Variants in SPIRE2 observed in about 807,000 individuals in gnomAD.
SPIRE2 encodes the protein protein spire homolog 2.
A neutral mutation model predicts 80.7 loss-of-function variants in SPIRE2; 76 were observed. The observed-to-expected ratio is 0.94, with a 90% CI of 0.78 to 1.14. The LOEUF is 1.14. Among genes scored for constraint, SPIRE2 ranks in the 50% most tolerant of loss-of-function variants. The pLI, the probability that SPIRE2 is intolerant of heterozygous loss-of-function variation, is 0.00. For missense variants in SPIRE2, 1,196 were observed against 1,015.3 expected, an observed-to-expected ratio of 1.18 and a Z score of -2.42; for synonymous variants, 535 against 432.6, an observed-to-expected ratio of 1.24 and a Z score of -2.94.
intron 2 of SPIRE2, among the ~76,000 whole-genome samples, chr16:89,848,995 T>C (rs2041594340): frequency 7.1e-6 from 1 of 141,664 alleles, no homozygotes; most frequent in African/African-American, 2.5e-5. Context: ...ACGAGGCAGG[T>C]TCCAGGGCCT....
rs1233205284 is a variant in SPIRE2, at chr16:89,828,565, C to T, written c.15C>T (p.Gly5=). The part of the protein sequence containing the change: MARA[G]SCGGAAAGAG... ...ACGGCCCCGCCATGGCCCGGGCGGG[C>T]AGCTGCGGCGGCGCCGCGGCGGGCG... The change falls in exon 1 of 15, where the codon GGC becomes GGT. Residue 5 remains glycine, a synonymous_variant. Coordinates refer to ENST00000378247, the MANE Select transcript of SPIRE2 (RefSeq NM_032451.2). This position sits in a 1 kb window ranked among gnomAD's most constrained non-coding sequence, Gnocchi z 5.9. 3 of 1,143,400 alleles carry T rather than the reference C, an allele frequency of 2.6e-6. No individual in the cohort carries two copies. The highest frequency in any genetic ancestry group is 3.2e-6 in the Non-Finnish European group (3 of 935,186). 70.8% of individuals were successfully genotyped at this position (1,143,400 alleles called of 1,614,324 possible). A position where few individuals can be genotyped will look rare whatever the true frequency, so the allele number is the denominator to read the frequency against.
chr16:89,851,474 C>G (rs1016533714), intron 3 of SPIRE2, among the ~76,000 whole-genome samples: 13 of 152,260 alleles, frequency 8.5e-5, no homozygotes, highest in Admixed American at 7.8e-4. Flanking sequence ...GGAGGGGTCA[C>G]TTGACAGATG....
Position 89,828,674 on chromosome 16 carries a change from G to T in SPIRE2, c.124G>T (p.Ala42Ser). ...GCCGCTCAACGAGGAGCAGGCGTGG[G>T]CCGTGTGCTTCCAGGGCTGCCGCGG... ...EQPLNEEQAW[A>S]VCFQGCRGLR... The change falls in exon 1 of 15, where the codon GCC (alanine) becomes TCC (serine). Residue 42 changes from alanine to serine, a missense_variant. Coordinates refer to ENST00000378247, the MANE Select transcript of SPIRE2 (RefSeq NM_032451.2). This position sits in a 1 kb window ranked among gnomAD's most constrained non-coding sequence, Gnocchi z 5.9. The T allele has an allele frequency of 1.5e-6, 2 of 1,343,934 alleles. No homozygotes were observed. Among genetic ancestry groups the T allele is most frequent in the Admixed American group, 5.1e-5 (2 of 39,500 alleles). The allele number at this position is 1,343,934 out of a possible 1,614,324, so 83.3% of individuals were successfully genotyped here.
chr16:89,847,105 G>T (rs2041569393), intron 2 of SPIRE2: 1 of 152,126 alleles, frequency 6.6e-6, no homozygotes, highest in Admixed American at 6.5e-5. Flanking sequence ...TGTGTGTTCT[G>T]TTGTTGATAA....
intron 3 of SPIRE2, among the ~76,000 whole-genome samples, chr16:89,852,721 C>T (rs1413445793): frequency 2.4e-4 from 19 of 80,316 alleles, no homozygotes; most frequent in African/African-American, 7.8e-4. Context: ...TTCCGTCCTC[C>T]CTCTCACCCC....
chr16:89,851,986 C>T (rs1396015391), intron 3 of SPIRE2, among the ~76,000 whole-genome samples: 1 of 151,904 alleles, frequency 6.6e-6, no homozygotes, highest in Non-Finnish European at 1.5e-5. Context: ...TCATCTGCAG[C>T]CCAAGCGTGT....
chr16:89,854,003 G>C (rs1045499692), intron 3 of SPIRE2, among the ~76,000 whole-genome samples: 1 of 152,242 alleles, frequency 6.6e-6, no homozygotes, highest in African/African-American at 2.4e-5. Flanking sequence ...GGGACCTAGA[G>C]CAGCTGCGGG....
At chr16:89,855,551 A>T (rs747889349) in intron 5 of SPIRE2, 49 bp from the exon 6 acceptor site, 1 of 1,555,246 alleles carries the variant, frequency 6.4e-7, no homozygotes, top group African/African-American at 1.4e-5. Context: ...GTCGCCCTGC[A>T]CTAGTGGATG....
At chr16:89,851,898 G>T (rs1473912211) in intron 3 of SPIRE2, among the ~76,000 whole-genome samples, 1 of 152,040 alleles carries the variant, frequency 6.6e-6, no homozygotes. Context: ...ACCGAGGAAG[G>T]TTCCTGGCCA....
In SPIRE2 at chr16:89,850,670, G is replaced by A; in HGVS notation, c.645+10G>A. 6.8e-7 allele frequency: 1 copy of A among 1,465,522 alleles called. No homozygotes were observed. The highest frequency in any genetic ancestry group is 9.0e-7 in the Non-Finnish European group (1 of 1,115,146). The allele number at this position is 1,465,522 out of a possible 1,614,324, so 90.8% of individuals were successfully genotyped here. On this transcript the variant is annotated intron_variant, in intron 3 of 14. Transcript: ENST00000378247. The stretch of plus-strand genomic sequence containing the variant: ...CCGGGAGGCCAAGGAGGTGAGCGGT[G>A]GGTGGGGGCGACCGTGGAGGGTCCG...
At chr16:89,841,970 C>T (rs1367161946) in intron 1 of SPIRE2, among the ~76,000 whole-genome samples, 1 of 152,036 alleles carries the variant, frequency 6.6e-6, no homozygotes, top group Admixed American at 6.6e-5. Context: ...TCAGGTGATC[C>T]GCCTACCTCA....
chr16:89,862,879 C>G (rs1567678114), intron 10 of SPIRE2: 1 of 154,648 alleles, frequency 6.5e-6, no homozygotes, highest in East Asian at 1.9e-4. Flanking sequence ...TTAACTGAAT[C>G]ATCTCGATGG....
At position 89,846,810 on chromosome 16, in the gene SPIRE2, C is replaced by CA. The variant is rs1555593978; in HGVS notation, c.288+1445_288+1446insA. On this transcript the variant is annotated intron_variant, in intron 2 of 14. Coordinates refer to ENST00000378247, the MANE Select transcript of SPIRE2 (RefSeq NM_032451.2). ...ACAGGTGTGAGCCATCACGCCCAGC[C>CA]TTTTTTTTTTTTTTTTTAGATCTAC... is the stretch of plus-strand genomic sequence containing the variant. The CA allele has an allele frequency of 6.9e-5, 8 of 116,698 alleles. No homozygotes were observed. In the East Asian group the frequency reaches 2.0e-3, roughly 29 times the overall value. 7.2% of individuals were successfully genotyped at this position (116,698 alleles called of 1,614,324 possible).
chr16:89,828,524 C>T lies in SPIRE2; in HGVS notation c.-27C>T, dbSNP rs1022442700. On this transcript the variant is annotated 5_prime_UTR_variant, in exon 1 of 15. Transcript: ENST00000378247. This position sits in a 1 kb window ranked among gnomAD's most constrained non-coding sequence, Gnocchi z 5.9. Reference sequence around the variant, plus strand: ...CGCGGCTGCATGGACGCGGGTCCGGCGCGCGGGAGGCGATGACGGCCCCGC... The same window carrying T: ...CGCGGCTGCATGGACGCGGGTCCGGTGCGCGGGAGGCGATGACGGCCCCGC... The T allele has an allele frequency of 6.7e-5, 70 of 1,044,404 alleles. No homozygotes were observed. The highest frequency in any genetic ancestry group is 7.6e-5 in the Non-Finnish European group (66 of 870,114). 64.7% of individuals were successfully genotyped at this position (1,044,404 alleles called of 1,614,324 possible).
At chr16:89,862,678 A>C (rs1013621963) in intron 10 of SPIRE2, 4 of 152,302 alleles carry the variant, frequency 2.6e-5, no homozygotes, top group African/African-American at 9.6e-5. Context: ...GAAGGAAGGA[A>C]TGCAAGGGCC....
rs1207077005 is a variant in SPIRE2, at chr16:89,869,720, G to C, written c.1922+38G>C. ...CCTTGCTGCTGATGTCACTGTGGTG[G>C]TCGGGCGTGAAGAGGAACTTGGGAG... On this transcript the variant is annotated intron_variant, in intron 14 of 14. Coordinates refer to ENST00000378247, the MANE Select transcript of SPIRE2 (RefSeq NM_032451.2). The C allele has an allele frequency of 3.9e-6, 6 of 1,534,450 alleles. No homozygotes were observed. In the African/African-American group the frequency reaches 6.8e-5, roughly 17 times the overall value.
chr16:89,857,115 G>A, intron 7 of SPIRE2, among the ~76,000 whole-genome samples: 1 of 147,590 alleles, frequency 6.8e-6, no homozygotes, highest in Admixed American at 6.9e-5. Context: ...AACTTTACAA[G>A]GCCATTGGAA....
chr16:89,863,401 A>G lies in SPIRE2; in HGVS notation c.1576-75A>G, dbSNP rs558810219. The G allele has an allele frequency of 5.9e-4, 922 of 1,556,314 alleles. 2 individuals carry two copies. The highest frequency in any genetic ancestry group is 1.2e-3 in the Middle Eastern group (7 of 5,820). On this transcript the variant is annotated intron_variant, in intron 10 of 14. Transcript: ENST00000378247. The surrounding 1 kb of genome is among the most constrained non-coding windows in gnomAD (Gnocchi z 4.3). ...GTTTAGGCTGAGGCCAGGGAGGGTT[A>G]GGGTCCTCAGGGAAGGAGAGTAAGC...
chr16:89,870,302 C>A lies in SPIRE2; in HGVS notation c.*30C>A. On this transcript the variant is annotated 3_prime_UTR_variant, in exon 15 of 15. Transcript: ENST00000378247. Reference sequence around the variant, plus strand: ...CCCAGGTGGCCAGGCCTCCAGGAGGCACCAGGCAGGCCCTGTATCAGGCTA... The same window carrying A: ...CCCAGGTGGCCAGGCCTCCAGGAGGAACCAGGCAGGCCCTGTATCAGGCTA... 2 of 1,479,078 alleles carry A rather than the reference C, an allele frequency of 1.4e-6. No homozygotes were observed. The highest frequency in any genetic ancestry group is 1.9e-6 in the Non-Finnish European group (2 of 1,077,832). 91.6% of individuals were successfully genotyped at this position (1,479,078 alleles called of 1,614,324 possible).
Sources: allele counts gnomAD v4.1 joint callset (sites outside exome capture counted in the v4.1 genomes callset), GRCh38; gene constraint gnomAD v4.1.1; non-coding constraint Gnocchi (gnomAD v3.1); transcripts MANE v1.5; gene names NCBI Gene and HGNC (gene_info 2026-07-23, HGNC 2026-07-21).